CRLF1: variants seen among roughly 807,000 people sequenced by gnomAD.
CRLF1 encodes cytokine receptor-like factor 1.
CRLF1 carries 36 observed loss-of-function variants against 48.9 expected under a neutral mutation model. The ratio of observed to expected loss-of-function variants is 0.74; its 90% CI spans 0.56 to 0.97. The LOEUF (loss-of-function observed/expected upper bound fraction) is 0.97. Ranked by LOEUF, CRLF1 falls within the 50% of genes least tolerant of loss-of-function variation. The pLI, the probability that CRLF1 is intolerant of heterozygous loss-of-function variation, is 0.00. For synonymous variants in CRLF1, 256 were observed against 253.4 expected, an observed-to-expected ratio of 1.01 and a Z score of -0.10; for missense variants, 534 against 575.1, an observed-to-expected ratio of 0.93 and a Z score of 0.73.
In CRLF1 at chr19:18,598,370, C is replaced by T. The variant is rs530928091; in HGVS notation, c.697+62G>A. On this transcript the variant is annotated intron_variant, in intron 4 of 8. Coordinates refer to ENST00000392386, the MANE Select transcript of CRLF1 (RefSeq NM_004750.5). ...AAATGAGAAGGTGCAGGGGACCCCT[C>T]GGGATGCTCGGTGGGTGGGGCTGGT... 36 of 1,554,804 alleles carry T rather than the reference C, an allele frequency of 2.3e-5. No individual in the cohort carries two copies. In the African/African-American group the frequency reaches 2.8e-4, roughly 12 times the overall value.
In CRLF1 at chr19:18,598,741, A is replaced by G. The variant is rs562667173; in HGVS notation, c.527+31T>C. On this transcript the variant is annotated intron_variant, in intron 3 of 8. Coordinates refer to ENST00000392386, the MANE Select transcript of CRLF1 (RefSeq NM_004750.5). ...GTCAAGGTCACGCAGCCAGCCTGGG[A>G]CACACACATCGCCCTCAGGCCACCA... is the stretch of plus-strand genomic sequence containing the variant. 3.7e-6 allele frequency: 6 copies of G among 1,614,038 alleles called. No individual in the cohort carries two copies. The Admixed American group carries it at 5.0e-5, about 13-fold the overall frequency.
rs766994193 is a variant in CRLF1, at chr19:18,596,647, G to A, written c.999C>T (p.Pro333=). The change falls in exon 6 of 9, where the codon CCC becomes CCT. Residue 333 remains proline, a synonymous_variant. Transcript: ENST00000392386. ...CACTGCGGGGAGTGGAGGCGGCTGT[G>A]GGGTGGCTCCACTCACTCCAGATCC... The part of the protein sequence containing the change: ...KAGIWSEWSH[P]TAASTPRSER... The A allele has an allele frequency of 9.3e-6, 15 of 1,613,886 alleles. No individual in the cohort carries two copies. The highest frequency in any genetic ancestry group is 1.3e-5 in the Non-Finnish European group (15 of 1,179,954).
At position 18,599,634 on chromosome 19, in the gene CRLF1, A is replaced by G; in HGVS notation, c.328T>C (p.Ser110Pro). 1 of 1,613,436 alleles carries G rather than the reference A, an allele frequency of 6.2e-7. No homozygotes were observed. Among genetic ancestry groups the G allele is most frequent in the Non-Finnish European group, 8.5e-7 (1 of 1,179,966 alleles). ...LANLNGSRQRSGDNLVCHARD... is the reference protein window; with the variant it reads ...LANLNGSRQRPGDNLVCHARD... ...GCGTGGCACACGAGGTTGTCCCCCG[A>G]CCGCTGCCTGGACCCATTGAGGTTG... is the stretch of plus-strand genomic sequence containing the variant. The change falls in exon 2 of 9, where the codon TCG becomes CCG. Residue 110 changes from serine to proline, a missense_variant. Ser to Pro is a moderately conservative substitution (Grantham distance 74, BLOSUM62 -1). Around this residue, in one of 2 missense-constraint regions of CRLF1, gnomAD observed 528 missense variants for 555.7 expected, o/e 0.95. Coordinates refer to ENST00000392386, the MANE Select transcript of CRLF1 (RefSeq NM_004750.5).
In CRLF1 at chr19:18,606,113, C is replaced by T. The variant is rs915958355; in HGVS notation, c.115+429G>A. On this transcript the variant is annotated intron_variant, in intron 1 of 8. Coordinates refer to ENST00000392386, the MANE Select transcript of CRLF1 (RefSeq NM_004750.5). The surrounding 1 kb of genome is among the most constrained non-coding windows in gnomAD (Gnocchi z 4.8). ...GCCCCGCCCTCCCCGTGGGGCTCAT[C>T]CCTCCGCCTGGGGGGGCCCGCTGGG... Among the ~76,000 whole-genome samples, 1 of 151,474 alleles carries T rather than the reference C, an allele frequency of 6.6e-6. No individual in the cohort carries two copies.
At chr19:18,595,723 G>T (rs1976123855) in intron 6 of CRLF1, among the ~76,000 whole-genome samples, 1 of 152,242 alleles carries the variant, frequency 6.6e-6, no homozygotes, top group Non-Finnish European at 1.5e-5. Context: ...GGAAACGGAG[G>T]CCAGACATTC....
At chr19:18,604,583 C>T (rs1976264991) in intron 1 of CRLF1, among the ~76,000 whole-genome samples, 1 of 152,200 alleles carries the variant, frequency 6.6e-6, no homozygotes, top group Admixed American at 6.5e-5. Flanking sequence ...CCCCTCCCAG[C>T]TCTGGGGTCC....
Position 18,594,373 on chromosome 19 carries a change from C to A in CRLF1, c.1086G>T (p.Pro362=), listed in dbSNP as rs779007210. The change falls in exon 7 of 9, where the codon CCG becomes CCT. Residue 362 remains proline, a synonymous_variant. Transcript: ENST00000392386. Reference sequence around the variant, plus strand: ...GGAACTGCTTGAGCTCGCGCCGCACCGGCCCCGAGCTCGGCTCTCCGCCCC... The same window carrying A: ...GGAACTGCTTGAGCTCGCGCCGCACAGGCCCCGAGCTCGGCTCTCCGCCCC... ...EPRGGEPSSG[P]VRRELKQFLG... The A allele has an allele frequency of 3.1e-6, 5 of 1,605,846 alleles. No individual in the cohort carries two copies. Among genetic ancestry groups the A allele is most frequent in the Middle Eastern group, 3.3e-4 (2 of 6,022 alleles).
chr19:18,598,832 G>A lies in CRLF1; in HGVS notation c.467C>T (p.Thr156Met), dbSNP rs150710034. ...KNMKDLTCRWTPGAHGETFLH... is the reference protein window; with the variant it reads ...KNMKDLTCRWMPGAHGETFLH... Reference sequence around the variant, plus strand: ...GAAGGTCTCCCCGTGGGCCCCTGGCGTCCAGCGGCAGGTCAAGTCCTTCAT... The same window carrying A: ...GAAGGTCTCCCCGTGGGCCCCTGGCATCCAGCGGCAGGTCAAGTCCTTCAT... Residue 156 changes from threonine (T) to methionine (M), a missense_variant, in exon 3 of 9, where the codon ACG becomes ATG. Physicochemically the swap from Thr to Met is moderately conservative, Grantham distance 81. Around this residue, in one of 2 missense-constraint regions of CRLF1, gnomAD observed 528 missense variants for 555.7 expected, o/e 0.95. Coordinates refer to ENST00000392386, the MANE Select transcript of CRLF1 (RefSeq NM_004750.5). 757 of 1,614,124 alleles carry A rather than the reference G, an allele frequency of 4.7e-4. 1 individual carries two copies. The highest frequency in any genetic ancestry group is 3.1e-4 in the Non-Finnish European group (371 of 1,180,000).
At chr19:18,598,702 G>A in intron 3 of CRLF1, 70 bp downstream of exon 3, 1 of 1,613,784 alleles carries the variant, frequency 6.2e-7, no homozygotes, top group Non-Finnish European at 8.5e-7. Flanking sequence ...GGGGCTCAGA[G>A]AGGGTCCGCG....
intron 2 of CRLF1, 46 bp downstream of exon 2, chr19:18,599,519 G>A: frequency 6.2e-7 from 1 of 1,610,474 alleles, no homozygotes; most frequent in Non-Finnish European, 8.5e-7. Flanking sequence ...AGAGGGAGAT[G>A]CCGCTCCCAA....
intron 1 of CRLF1, among the ~76,000 whole-genome samples, chr19:18,605,319 C>T (rs1183933911): frequency 2.0e-5 from 3 of 152,194 alleles, no homozygotes; most frequent in Non-Finnish European, 4.4e-5. Flanking sequence ...CAGCAAGTGC[C>T]CCTAGAAGAT....
chr19:18,604,500 A>G (rs2145337184), intron 1 of CRLF1, among the ~76,000 whole-genome samples: 1 of 152,290 alleles, frequency 6.6e-6, no homozygotes, highest in East Asian at 1.9e-4. Context: ...GGGGAGATCA[A>G]TGAGATGTGA....
intron 4 of CRLF1, among the ~76,000 whole-genome samples, chr19:18,598,118 G>A (rs905773541): frequency 3.3e-5 from 5 of 152,194 alleles, no homozygotes; most frequent in Admixed American, 6.5e-5. Flanking sequence ...GGCGCCTCCC[G>A]ACCTGGGCGC....
chr19:18,603,820 G>A (rs568446096), intron 1 of CRLF1, among the ~76,000 whole-genome samples: 94 of 151,518 alleles, frequency 6.2e-4, no homozygotes, highest in Middle Eastern at 3.4e-3. Flanking sequence ...CCCAGGGCTC[G>A]CCGGAGGTCT....
In CRLF1 at chr19:18,597,156, C is replaced by T. The variant is rs1239400934; in HGVS notation, c.698-107G>A. The T allele has an allele frequency of 1.2e-5, 14 of 1,215,544 alleles. No homozygotes were observed. In the South Asian group the frequency reaches 1.8e-4, roughly 15 times the overall value. 75.3% of individuals were successfully genotyped at this position (1,215,544 alleles called of 1,614,324 possible). A position where few individuals can be genotyped will look rare whatever the true frequency, so the allele number is the denominator to read the frequency against. On this transcript the variant is annotated intron_variant, in intron 4 of 8. Transcript: ENST00000392386. The stretch of plus-strand genomic sequence containing the variant: ...CCTAGATGGAACCTGCCTCTGTTTT[C>T]CTCCTCTTCCCTCTGCCCCCACCCC...
intron 6 of CRLF1, among the ~76,000 whole-genome samples, chr19:18,594,891 A>T (rs943135154): frequency 3.9e-5 from 6 of 152,162 alleles, no homozygotes; most frequent in African/African-American, 1.4e-4. Flanking sequence ...GTGTCAGCCC[A>T]GGAGGAAAGG....
Position 18,596,621 on chromosome 19 carries a change from C to T in CRLF1, c.1024+1G>A. 6.2e-7 allele frequency: 1 copy of T among 1,613,932 alleles called. No individual in the cohort carries two copies. Among genetic ancestry groups the T allele is most frequent in the East Asian group, 2.2e-5 (1 of 44,888 alleles). On this transcript the variant is annotated splice_donor_variant, in intron 6 of 8. Coordinates refer to ENST00000392386, the MANE Select transcript of CRLF1 (RefSeq NM_004750.5). LOFTEE classifies it high-confidence loss of function. ...TCACCCAGCCCTAGGAGGGTGCTCA[C>T]CACTGCGGGGAGTGGAGGCGGCTGT...
chr19:18,600,587 C>T (rs1976209017), intron 1 of CRLF1, among the ~76,000 whole-genome samples: 1 of 152,028 alleles, frequency 6.6e-6, no homozygotes, highest in East Asian at 1.9e-4. Context: ...AGGATGGTCT[C>T]GATCTCCTGA....
intron 4 of CRLF1, 23 bp downstream of exon 4, chr19:18,598,409 C>T (rs766032128): frequency 6.2e-7 from 1 of 1,601,862 alleles, no homozygotes; most frequent in Non-Finnish European, 8.5e-7. Context: ...GAGGGAGGGG[C>T]CTAGCAGACA....
Sources: gnomAD v4.1 joint callset for allele counts (sites outside exome capture counted in the v4.1 genomes callset) on GRCh38, gnomAD v4.1.1 for gene constraint, gnomAD v4.1.1 regional missense constraint, Gnocchi (gnomAD v3.1) non-coding constraint, MANE v1.5 for transcripts, NCBI Gene and HGNC (gene_info 2026-07-23, HGNC 2026-07-21) for gene names.